The following RALGAPA2 variants were observed in gnomAD, a reference collection of about 807,000 sequenced individuals.
The protein encoded by RALGAPA2 is Ral GTPase activating protein catalytic subunit alpha 2, also known as ral GTPase-activating protein subunit alpha-2.
A neutral mutation model predicts 230.4 loss-of-function variants in RALGAPA2; 139 were observed. The observed-to-expected ratio is 0.60, with a 90% CI of 0.53 to 0.69. RALGAPA2 has a LOEUF of 0.69. Among genes scored for constraint, RALGAPA2 ranks in the 30% least tolerant of loss-of-function variants. The pLI, the probability that RALGAPA2 is intolerant of heterozygous loss-of-function variation, is 0.00. For missense variants in RALGAPA2, 2,163 were observed against 2,276.0 expected (o/e 0.95, Z 1.01); for synonymous variants, 847 against 837.8 (o/e 1.01, Z -0.19).
intron 31 of RALGAPA2, among the ~76,000 whole-genome samples, chr20:20,516,350 G>A (rs1257235475): frequency 1.3e-5 from 2 of 152,178 alleles, no homozygotes; most frequent in African/African-American, 2.4e-5. Context: ...TTTAGGGCAA[G>A]CTCAAATCCC....
chr20:20,515,065 C>A (rs2062826646), intron 31 of RALGAPA2, among the ~76,000 whole-genome samples: 1 of 152,202 alleles, frequency 6.6e-6, no homozygotes, highest in South Asian at 2.1e-4. Context: ...CATTTTGCCC[C>A]CTGCCCACCC....
At chr20:20,674,565 A>T (rs1020402908) in intron 3 of RALGAPA2, among the ~76,000 whole-genome samples, 5 of 152,200 alleles carry the variant, frequency 3.3e-5, no homozygotes, top group African/African-American at 1.2e-4. Flanking sequence ...TCCACTCCTT[A>T]CTCATAGACA....
chr20:20,536,784 C>T lies in RALGAPA2; in HGVS notation c.3286G>A (p.Ala1096Thr). 3.1e-6 allele frequency: 5 copies of T among 1,610,976 alleles called. No individual in the cohort carries two copies. Among genetic ancestry groups the T allele is most frequent in the Non-Finnish European group, 3.4e-6 (4 of 1,177,968 alleles). The change falls in exon 25 of 40, where the codon GCG becomes ACG. Residue 1096 changes from alanine (A) to threonine (T), a missense_variant and splice_region_variant. By Grantham distance (58) the Ala-to-Thr change is moderately conservative. Transcript: ENST00000202677. ...ARVLSTDILTAPRSEAVTVLG... is the reference protein window; with the variant it reads ...ARVLSTDILTTPRSEAVTVLG... ...ACAGTGACAGCCTCTGAACGAGGCG[C>T]CTGCACATAAGGAAGAGGAGCACAC...
intron 10 of RALGAPA2, among the ~76,000 whole-genome samples, chr20:20,621,568 A>G (rs932863655): frequency 6.7e-6 from 1 of 149,420 alleles, no homozygotes; most frequent in Non-Finnish European, 1.5e-5. Context: ...GGTTTCTAAT[A>G]TATCAGGTTA....
At chr20:20,707,213 G>A (rs2069642084) in intron 1 of RALGAPA2, among the ~76,000 whole-genome samples, 1 of 152,190 alleles carries the variant, frequency 6.6e-6, no homozygotes. Flanking sequence ...AGACTACAGT[G>A]AAAATGGCAG....
chr20:20,571,478 C>T lies in RALGAPA2; in HGVS notation c.3136G>A (p.Gly1046Arg), dbSNP rs1401436741. 6.2e-7 allele frequency: 1 copy of T among 1,612,452 alleles called. No homozygotes were observed. The highest frequency in any genetic ancestry group is 1.1e-5 in the South Asian group (1 of 90,826). Residue 1046 changes from glycine (G) to arginine (R), a missense_variant, in exon 23 of 40, where the codon GGA becomes AGA. By Grantham distance (125) the Gly-to-Arg change is moderately radical. Transcript: ENST00000202677. ...AATACCTGATCCTCGCTGGTTAATC[C>T]CAGGTGCATCACAAGGTAAAAATGC... is the stretch of plus-strand genomic sequence containing the variant. Reference protein sequence around the residue: ...LVHFYLVMHLGLTSEDQDILN... With the variant: ...LVHFYLVMHLRLTSEDQDILN...
chr20:20,584,977 G>C, intron 18 of RALGAPA2, 22 bp from the exon 19 acceptor site: 1 of 1,560,116 alleles, frequency 6.4e-7, no homozygotes, highest in Non-Finnish European at 8.8e-7. Context: ...AAGAAATATT[G>C]CATTTACTAC....
intron 10 of RALGAPA2, among the ~76,000 whole-genome samples, chr20:20,626,328 C>T (rs546531917): frequency 6.6e-6 from 1 of 152,182 alleles, no homozygotes; most frequent in African/African-American, 2.4e-5. Context: ...TTTAACAACA[C>T]ATAATACTTA....
At chr20:20,657,069 T>C (rs1377244008) in intron 3 of RALGAPA2, among the ~76,000 whole-genome samples, 1 of 152,144 alleles carries the variant, frequency 6.6e-6, no homozygotes, top group Non-Finnish European at 1.5e-5. Flanking sequence ...TGATAAAAAA[T>C]TAATGATAAT....
chr20:20,669,480 C>G (rs1416172263), intron 3 of RALGAPA2, among the ~76,000 whole-genome samples: 2 of 152,184 alleles, frequency 1.3e-5, no homozygotes, highest in East Asian at 3.8e-4. Flanking sequence ...CCAACCACAT[C>G]CTTTTATGGA....
chr20:20,640,921 T>TATATCTAAA (rs1416356769), intron 5 of RALGAPA2, 43 bp from the exon 6 acceptor site: 1 of 1,508,426 alleles, frequency 6.6e-7, no homozygotes, highest in South Asian at 1.2e-5. Flanking sequence ...CACATGTATT[T>TATATCTAAA]ACAGAAATGC....
At position 20,643,964 on chromosome 20, in the gene RALGAPA2, A is replaced by T. The variant is rs575630664; in HGVS notation, c.329-415T>A. On this transcript the variant is annotated intron_variant, in intron 4 of 39. Transcript: ENST00000202677. The stretch of plus-strand genomic sequence containing the variant: ...TTTCTCTCCTGGCAATGACAACCAC[A>T]TTTATGGGGTTTGGTCCATCAATAA... 4.9e-4 allele frequency among the ~76,000 whole-genome samples: 75 copies of T among 152,270 alleles called. 1 individual carries two copies. Among genetic ancestry groups the T allele is most frequent in the Middle Eastern group, 3.4e-3 (1 of 294 alleles).
chr20:20,521,855 G>A (rs1480780173), intron 30 of RALGAPA2, among the ~76,000 whole-genome samples: 1 of 152,214 alleles, frequency 6.6e-6, no homozygotes, highest in Admixed American at 6.5e-5. Flanking sequence ...ATATATTTAT[G>A]TAAAGTAAAT....
intron 7 of RALGAPA2, among the ~76,000 whole-genome samples, chr20:20,637,968 A>G (rs2066911909): frequency 6.6e-6 from 1 of 152,250 alleles, no homozygotes. Flanking sequence ...CAATATCAAA[A>G]GGCAAAAGCC....
chr20:20,468,732 C>T (rs769140249), intron 37 of RALGAPA2, among the ~76,000 whole-genome samples: 3 of 152,026 alleles, frequency 2.0e-5, no homozygotes, highest in Admixed American at 6.6e-5. Flanking sequence ...GTTCTGTCTG[C>T]GATTCTGTTC....
chr20:20,663,133 G>T (rs1389780542), intron 3 of RALGAPA2, among the ~76,000 whole-genome samples: 1 of 152,170 alleles, frequency 6.6e-6, no homozygotes, highest in Non-Finnish European at 1.5e-5. Flanking sequence ...AGAAGGGGTA[G>T]AAGATTACAA....
rs79290765 is a variant in RALGAPA2, at chr20:20,558,394, T to C, written c.3157-11562A>G. 6.5e-3 allele frequency among the ~76,000 whole-genome samples: 984 copies of C among 152,304 alleles called. 13 individuals carry two copies. The highest frequency in any genetic ancestry group is 0.022 in the African/African-American group (928 of 41,556). On this transcript the variant is annotated intron_variant, in intron 23 of 39. Coordinates refer to ENST00000202677, the MANE Select transcript of RALGAPA2 (RefSeq NM_020343.4). ...ACTTTACCTAATAATCATTTAAAAA[T>C]GCAAATAACACCTTTTAAAACTATA...
chr20:20,666,188 A>G (rs570152688), intron 3 of RALGAPA2, among the ~76,000 whole-genome samples: 1 of 152,328 alleles, frequency 6.6e-6, no homozygotes, highest in Admixed American at 6.5e-5. Context: ...GAACTCAGGG[A>G]GACTTTGGGG....
chr20:20,402,372 A>G (rs1380037785), intron 38 of RALGAPA2, among the ~76,000 whole-genome samples: 1 of 152,176 alleles, frequency 6.6e-6, no homozygotes, highest in African/African-American at 2.4e-5. Context: ...CTTCTGTGTC[A>G]CTGAGTTGTT....
Sources: allele counts gnomAD v4.1 joint callset (sites outside exome capture counted in the v4.1 genomes callset), GRCh38; gene constraint gnomAD v4.1.1; transcripts MANE v1.5; gene names NCBI Gene and HGNC (gene_info 2026-07-23, HGNC 2026-07-21).